MARCHF1: variants seen among roughly 807,000 people sequenced by gnomAD.
The protein encoded by MARCHF1 is membrane associated ring-CH-type finger 1, also known as E3 ubiquitin-protein ligase MARCHF1.
In MARCHF1, 40 loss-of-function variants were observed where a neutral mutation model predicts 54.2. The observed-to-expected ratio is 0.74, with a 90% confidence interval of 0.57 to 0.96. The LOEUF (loss-of-function observed/expected upper bound fraction) is 0.96, where lower values mean the gene tolerates loss of function less well. Ranked by LOEUF, MARCHF1 falls within the 40% of genes least tolerant of loss-of-function variation. The probability of loss-of-function intolerance (pLI) is 0.00; values close to 1 mark genes in which losing one functional copy is unlikely to be tolerated. For missense variants in MARCHF1, 586 were observed against 656.5 expected, an observed-to-expected ratio of 0.89 and a Z score of 1.17; for synonymous variants, 236 against 236.3, an observed-to-expected ratio of 1.00 and a Z score of 0.01.
At chr4:163,544,429 G>T (rs561495776) in intron 9 of MARCHF1, among the ~76,000 whole-genome samples, 30 of 152,254 alleles carry the variant, frequency 2.0e-4, no homozygotes, top group Non-Finnish European at 4.0e-4. Context: ...GAAAAGGACA[G>T]TGGCACCTGG....
intron 2 of MARCHF1, among the ~76,000 whole-genome samples, chr4:164,073,806 T>C (rs1290810504): frequency 9.2e-5 from 14 of 151,998 alleles, no homozygotes; most frequent in Non-Finnish European, 7.4e-5. Flanking sequence ...GTTATTTTGT[T>C]GGGTTTTGTT....
chr4:163,717,441 C>A (rs1745300048), intron 4 of MARCHF1, among the ~76,000 whole-genome samples: 1 of 151,908 alleles, frequency 6.6e-6, no homozygotes, highest in Non-Finnish European at 1.5e-5. Flanking sequence ...ATTGTGAATG[C>A]TGCTGCAATA....
chr4:164,176,959 T>A (rs1323727375), intron 1 of MARCHF1, among the ~76,000 whole-genome samples: 2 of 48,522 alleles, frequency 4.1e-5, no homozygotes, highest in African/African-American at 2.2e-4. Context: ...TCTCTCTCTC[T>A]CTCTCTCTCT....
At chr4:164,171,083 T>A (rs1730513266) in intron 1 of MARCHF1, among the ~76,000 whole-genome samples, 2 of 152,220 alleles carry the variant, frequency 1.3e-5, no homozygotes, top group Non-Finnish European at 2.9e-5. Flanking sequence ...AATATTCATT[T>A]TTTATCATTC....
chr4:164,251,397 T>C (rs967999380), intron 1 of MARCHF1, among the ~76,000 whole-genome samples: 2 of 152,146 alleles, frequency 1.3e-5, no homozygotes, highest in Non-Finnish European at 2.9e-5. Flanking sequence ...TGACAATGCT[T>C]GCGTGTAATG....
At chr4:164,067,072 C>T (rs1754746276) in intron 2 of MARCHF1, among the ~76,000 whole-genome samples, 1 of 151,982 alleles carries the variant, frequency 6.6e-6, no homozygotes, top group Non-Finnish European at 1.5e-5. Flanking sequence ...CTTAATACTG[C>T]TTTTGCTGCA....
chr4:163,709,260 A>T (rs546088264), intron 4 of MARCHF1, among the ~76,000 whole-genome samples: 138 of 152,168 alleles, frequency 9.1e-4, no homozygotes, highest in Non-Finnish European at 1.6e-3. Context: ...CTTTTTCTTT[A>T]AACAACTTTG....
intron 9 of MARCHF1, among the ~76,000 whole-genome samples, chr4:163,535,683 G>A (rs1160727214): frequency 1.3e-5 from 2 of 151,912 alleles, no homozygotes; most frequent in South Asian, 2.1e-4. Context: ...GGCATCAAAC[G>A]GTAGTTAGTA....
intron 1 of MARCHF1, among the ~76,000 whole-genome samples, chr4:164,220,820 A>C (rs1284808145): frequency 6.7e-6 from 1 of 149,942 alleles, no homozygotes; most frequent in Non-Finnish European, 1.5e-5. Context: ...AACTTTTAGA[A>C]AATTGTACTT....
At chr4:163,561,941 C>G (rs1485286460) in intron 8 of MARCHF1, among the ~76,000 whole-genome samples, 3 of 152,098 alleles carry the variant, frequency 2.0e-5, no homozygotes, top group African/African-American at 7.2e-5. Context: ...TACCTTTCTC[C>G]AAATGTCAAC....
intron 1 of MARCHF1, among the ~76,000 whole-genome samples, chr4:164,230,907 T>G (rs1319805313): frequency 6.6e-6 from 1 of 152,184 alleles, no homozygotes; most frequent in Non-Finnish European, 1.5e-5. Flanking sequence ...TGAAATTTCA[T>G]AATCCCCAGG....
At chr4:163,828,916 T>C (rs1458014362) in intron 4 of MARCHF1, 2 of 152,174 alleles carry the variant, frequency 1.3e-5, no homozygotes, top group Non-Finnish European at 2.9e-5. Flanking sequence ...TAGACAGAGG[T>C]ATAGAGCTGT....
chr4:164,260,090 GA>G (rs1733422529), intron 1 of MARCHF1, among the ~76,000 whole-genome samples: 1 of 151,938 alleles, frequency 6.6e-6, no homozygotes. Context: ...AAGAAATGTG[GA>G]GATAAATAAT....
intron 1 of MARCHF1, among the ~76,000 whole-genome samples, chr4:164,158,125 AT>A (rs1415721982): frequency 6.6e-6 from 1 of 152,290 alleles, no homozygotes; most frequent in African/African-American, 2.4e-5. Flanking sequence ...AAGTTCTTAT[AT>A]TTTTTTAAAA....
chr4:163,968,382 C>G (rs1000096115), intron 3 of MARCHF1, among the ~76,000 whole-genome samples: 15 of 152,114 alleles, frequency 9.9e-5, no homozygotes, highest in Non-Finnish European at 1.9e-4. Context: ...ACTGAGATTT[C>G]TACGTGGCCA....
rs541084870 is a variant in MARCHF1, at chr4:164,182,016, T to G, written c.-322-70354A>C. On this transcript the variant is annotated intron_variant, in intron 1 of 9. Transcript: ENST00000514618. ...ACAATTCATGCTGTACAATTAGAAC[T>G]TCAGGTAAAAGGTAATTTTTTCTCT... Among the ~76,000 whole-genome samples the G allele has an allele frequency of 6.6e-5, 10 of 152,244 alleles. No individual in the cohort carries two copies. The South Asian group carries it at 2.1e-3, about 31-fold the overall frequency.
In MARCHF1 at chr4:164,290,431, T is replaced by C. The variant is rs981977323; in HGVS notation, c.-323+93439A>G. On this transcript the variant is annotated intron_variant, in intron 1 of 9. Coordinates refer to ENST00000514618, the MANE Select transcript of MARCHF1 (RefSeq NM_001394959.1). ...TTATTGCTTTGTGAAGGGCAGGCAC[T>C]TGTATTCAGAAGCATTCCTAAAGTT... 5.3e-5 allele frequency among the ~76,000 whole-genome samples: 8 copies of C among 152,136 alleles called. No homozygotes were observed. The East Asian group carries it at 1.5e-3, about 29-fold the overall frequency.
chr4:163,862,738 T>C (rs894467099), intron 3 of MARCHF1, among the ~76,000 whole-genome samples: 2 of 152,090 alleles, frequency 1.3e-5, no homozygotes, highest in African/African-American at 4.8e-5. Flanking sequence ...ATTTTTAAAA[T>C]TTATGTCTCA....
intron 4 of MARCHF1, among the ~76,000 whole-genome samples, chr4:163,707,790 A>G (rs1214956216): frequency 6.7e-6 from 1 of 149,684 alleles, no homozygotes; most frequent in Non-Finnish European, 1.5e-5. Flanking sequence ...TTGAACTAAA[A>G]AAAAAAAAAA....
Sources: gnomAD v4.1 joint callset for allele counts (sites outside exome capture counted in the v4.1 genomes callset) on GRCh38, gnomAD v4.1.1 for gene constraint, MANE v1.5 for transcripts, NCBI Gene and HGNC (gene_info 2026-07-23, HGNC 2026-07-21) for gene names.